The following CCBE1 variants were observed in gnomAD, a reference collection of about 807,000 sequenced individuals.
CCBE1 encodes the protein collagen and calcium-binding EGF domain-containing protein 1.
Under a neutral mutation model 50.0 loss-of-function variants are expected in CCBE1, and 37 were observed. The ratio of observed to expected loss-of-function variants is 0.74; its 90% CI spans 0.57 to 0.97. CCBE1 has a LOEUF of 0.97. CCBE1 is among the 50% of genes least tolerant of loss of function. CCBE1 has a pLI of 0.00. For missense variants in CCBE1, 538 were observed against 523.8 expected (o/e 1.03, Z -0.26); for synonymous variants, 234 against 203.7 (o/e 1.15, Z -1.27).
intron 2 of CCBE1, among the ~76,000 whole-genome samples, chr18:59,565,214 G>A (rs1421475546): frequency 6.6e-6 from 1 of 152,194 alleles, no homozygotes; most frequent in Non-Finnish European, 1.5e-5. Flanking sequence ...AGAGGAGGGA[G>A]GGAGGAAGGG....
At chr18:59,696,760 C>T (rs1254390417) in intron 1 of CCBE1, 51 bp from the exon 2 acceptor site, 4 of 1,585,020 alleles carry the variant, frequency 2.5e-6, no homozygotes, top group Admixed American at 1.7e-5. Context: ...AGAGCGGAGG[C>T]GGGCAGCGCG....
In CCBE1 at chr18:59,623,738, G is replaced by A. The variant is rs545647271; in HGVS notation, c.212+72891C>T. ...TTTGTTTATAAATTGTTTACCATTA[G>A]GCGCATCTACCAGCAACAGACAGGG... On this transcript the variant is annotated intron_variant, in intron 2 of 10. Transcript: ENST00000439986. Among the ~76,000 whole-genome samples the A allele has an allele frequency of 5.9e-5, 9 of 152,286 alleles. No individual in the cohort carries two copies. The East Asian group carries it at 1.7e-3, about 29-fold the overall frequency.
intron 2 of CCBE1, among the ~76,000 whole-genome samples, chr18:59,581,582 T>C (rs2053084987): frequency 6.6e-6 from 1 of 152,038 alleles, no homozygotes; most frequent in Non-Finnish European, 1.5e-5. Flanking sequence ...TGCTTAGAAA[T>C]AGCTCATGGT....
At chr18:59,581,385 G>A (rs932122954) in intron 2 of CCBE1, among the ~76,000 whole-genome samples, 2 of 150,764 alleles carry the variant, frequency 1.3e-5, no homozygotes, top group Non-Finnish European at 2.9e-5. Context: ...AAATCTCAGT[G>A]AGCCGAGATC....
chr18:59,562,892 G>A (rs937441185), intron 2 of CCBE1, among the ~76,000 whole-genome samples: 8 of 72,042 alleles, frequency 1.1e-4, no homozygotes, highest in African/African-American at 4.4e-4. Context: ...TAGAGGTTTC[G>A]ATCTCGTTTG....
chr18:59,649,439 T>C (rs534360896), intron 2 of CCBE1, among the ~76,000 whole-genome samples: 1 of 152,352 alleles, frequency 6.6e-6, no homozygotes, highest in South Asian at 2.1e-4. Context: ...AAAAGTCCTT[T>C]ATAAGTTAAA....
chr18:59,543,783 C>T, intron 2 of CCBE1, among the ~76,000 whole-genome samples: 1 of 130,798 alleles, frequency 7.6e-6, no homozygotes, highest in South Asian at 2.5e-4. Context: ...TGCAGTGAGC[C>T]AAGATCGCGC....
At chr18:59,696,779 A>T in intron 1 of CCBE1, 70 bp from the exon 2 acceptor site, 1 of 1,525,072 alleles carries the variant, frequency 6.6e-7, no homozygotes, top group Non-Finnish European at 9.0e-7. Flanking sequence ...CGCGCTGGGG[A>T]ATCCCTGGCG....
intron 2 of CCBE1, among the ~76,000 whole-genome samples, chr18:59,587,200 A>C (rs2053190931): frequency 6.6e-6 from 1 of 152,232 alleles, no homozygotes; most frequent in Non-Finnish European, 1.5e-5. Flanking sequence ...AAAGCCCAGT[A>C]ACTATGAGAA....
Position 59,612,832 on chromosome 18 carries a change from TTTTGTTTTTGTTTTTG to T in CCBE1, c.212+83781_212+83796del, listed in dbSNP as rs1265808398. Among the ~76,000 whole-genome samples the T allele has an allele frequency of 2.1e-4, 24 of 112,398 alleles. 2 individuals carry two copies. In the East Asian group the frequency reaches 4.5e-3, roughly 21 times the overall value. 73.7% of individuals were successfully genotyped at this position (112,398 alleles called of 152,430 possible). A position where few individuals can be genotyped will look rare whatever the true frequency, so the allele number is the denominator to read the frequency against. On this transcript the variant is annotated intron_variant, in intron 2 of 10. Coordinates refer to ENST00000439986, the MANE Select transcript of CCBE1 (RefSeq NM_133459.4). ...TCTCAAGGGTTTTTTTTTTGTTTTTTTTTGTTTTTGTTTTTGTTTTTTTTAATGTCTGTTAGATGGC... is the reference window on the plus strand; with the variant it reads ...TCTCAAGGGTTTTTTTTTTGTTTTTTTTTTTTTTAATGTCTGTTAGATGGC...
At chr18:59,642,561 A>G (rs544470821) in intron 2 of CCBE1, among the ~76,000 whole-genome samples, 1 of 152,358 alleles carries the variant, frequency 6.6e-6, no homozygotes, top group Admixed American at 6.5e-5. Flanking sequence ...CATATGTCTA[A>G]GAACAATCCA....
At chr18:59,603,881 C>T (rs2053462923) in intron 2 of CCBE1, among the ~76,000 whole-genome samples, 1 of 152,188 alleles carries the variant, frequency 6.6e-6, no homozygotes, top group Non-Finnish European at 1.5e-5. Context: ...CTGTCCTGAC[C>T]TCCTCAGGCC....
chr18:59,538,969 G>C (rs939220224), intron 2 of CCBE1, among the ~76,000 whole-genome samples: 15 of 151,928 alleles, frequency 9.9e-5, no homozygotes, highest in African/African-American at 2.9e-4. Context: ...CTTGAGGCCA[G>C]GAGTTTGAGA....
In CCBE1 at chr18:59,435,872, CTT is replaced by C; in HGVS notation, c.*34_*35del. The C allele has an allele frequency of 6.3e-7, 1 of 1,577,698 alleles. No individual in the cohort carries two copies. Among genetic ancestry groups the C allele is most frequent in the Non-Finnish European group, 8.7e-7 (1 of 1,146,746 alleles). The stretch of plus-strand genomic sequence containing the variant: ...ATGGTTTAACTGCAGGTGAGTTGAT[CTT>C]TCTCTTCCTTTGGCGTGACGGTGTT... On this transcript the variant is annotated 3_prime_UTR_variant, in exon 11 of 11. Coordinates refer to ENST00000439986, the MANE Select transcript of CCBE1 (RefSeq NM_133459.4).
chr18:59,628,859 C>A lies in CCBE1; in HGVS notation c.212+67770G>T, dbSNP rs2144621730. ...AAAAACTCAGAGCCATCCTTGACTT[C>A]TGTCCTCACCCCAAATTAGCAAGTC... On this transcript the variant is annotated intron_variant, in intron 2 of 10. Transcript: ENST00000439986. Among the ~76,000 whole-genome samples the A allele has an allele frequency of 2.0e-5, 3 of 152,342 alleles. 1 individual carries two copies. Among genetic ancestry groups the A allele is most frequent in the Middle Eastern group, 6.8e-3 (2 of 294 alleles).
At position 59,671,044 on chromosome 18, in the gene CCBE1, A is replaced by G. The variant is rs138641126; in HGVS notation, c.212+25585T>C. 4.4e-3 allele frequency among the ~76,000 whole-genome samples: 672 copies of G among 152,358 alleles called. 1 individual carries two copies. The highest frequency in any genetic ancestry group is 0.01 in the Middle Eastern group (3 of 294). On this transcript the variant is annotated intron_variant, in intron 2 of 10. Transcript: ENST00000439986. Reference sequence around the variant, plus strand: ...CATGATTGACGTTCAAAGCTATGCCACAACTTGGCCTCAAGCAAAGCTCGG... The same window carrying G: ...CATGATTGACGTTCAAAGCTATGCCGCAACTTGGCCTCAAGCAAAGCTCGG...
chr18:59,451,401 C>T (rs1315386884), intron 6 of CCBE1, among the ~76,000 whole-genome samples: 3 of 141,382 alleles, frequency 2.1e-5, no homozygotes, highest in African/African-American at 5.4e-5. Flanking sequence ...CTCTCAAATC[C>T]GATAGTCCCT....
At chr18:59,652,351 A>G (rs1350835840) in intron 2 of CCBE1, among the ~76,000 whole-genome samples, 1 of 152,198 alleles carries the variant, frequency 6.6e-6, no homozygotes, top group African/African-American at 2.4e-5. Context: ...ACTGCTCATC[A>G]ATAGCACCGT....
chr18:59,593,257 C>T (rs959560813), intron 2 of CCBE1, among the ~76,000 whole-genome samples: 1 of 152,198 alleles, frequency 6.6e-6, no homozygotes. Flanking sequence ...CTTCAGCTGT[C>T]CATGTGATGT....
Sources: allele counts gnomAD v4.1 joint callset (sites outside exome capture counted in the v4.1 genomes callset), GRCh38; gene constraint gnomAD v4.1.1; transcripts MANE v1.5; gene names NCBI Gene and HGNC (gene_info 2026-07-23, HGNC 2026-07-21).